Variants in CACNA1A observed in about 807,000 individuals in gnomAD.
CACNA1A encodes the protein calcium voltage-gated channel subunit alpha1 A, also known as voltage-dependent P/Q-type calcium channel subunit alpha-1A.
In CACNA1A, 57 loss-of-function variants were observed where a neutral mutation model predicts 262.4. That is an observed-to-expected ratio of 0.22 (90% confidence interval 0.18 to 0.27). CACNA1A has a LOEUF of 0.27. Among genes scored for constraint, CACNA1A ranks in the 10% least tolerant of loss-of-function variants. The pLI is 1.00. For missense variants in CACNA1A, 2,526 were observed against 3,562.8 expected (o/e 0.71, Z 7.41); for synonymous variants, 1,431 against 1,419.3 (o/e 1.01, Z -0.18).
chr19:13,217,807 C>T lies in CACNA1A; in HGVS notation c.5732-3199G>A, dbSNP rs183906755. Among the ~76,000 whole-genome samples, 333 of 152,186 alleles carry T rather than the reference C, an allele frequency of 2.2e-3. 2 individuals carry two copies. The Middle Eastern group carries it at 0.034, about 16-fold the overall frequency. ...AGTGTTGTCCAAACCCTGCACATTC[C>T]GATGAAAGGACTGGCCCATTGACTT... On this transcript the variant is annotated intron_variant, in intron 38 of 46. Transcript: ENST00000360228.
intron 19 of CACNA1A, among the ~76,000 whole-genome samples, chr19:13,290,016 C>T (rs1057353294): frequency 6.6e-6 from 1 of 151,478 alleles, no homozygotes; most frequent in African/African-American, 2.4e-5. Context: ...GCAACCTCTG[C>T]CTCCCAGGTT....
chr19:13,387,862 A>C (rs1487994206), intron 3 of CACNA1A, among the ~76,000 whole-genome samples: 1 of 152,156 alleles, frequency 6.6e-6, no homozygotes, highest in Admixed American at 6.6e-5. Flanking sequence ...AATTAAAACA[A>C]AATTAAAAAG....
chr19:13,488,997 TC>T (rs1568698283), intron 1 of CACNA1A, among the ~76,000 whole-genome samples: 9 of 143,400 alleles, frequency 6.3e-5, no homozygotes, highest in African/African-American at 2.2e-4. Context: ...TAATTTCTTT[TC>T]TTTTCTTTTT....
At chr19:13,496,949 A>G (rs1981605146) in intron 1 of CACNA1A, among the ~76,000 whole-genome samples, 1 of 152,178 alleles carries the variant, frequency 6.6e-6, no homozygotes, top group Admixed American at 6.5e-5. Flanking sequence ...ACTGGGACAG[A>G]CTGGGAAACT....
chr19:13,382,385 C>A (rs2059538710), intron 3 of CACNA1A, among the ~76,000 whole-genome samples: 1 of 152,154 alleles, frequency 6.6e-6, no homozygotes, highest in Non-Finnish European at 1.5e-5. Context: ...CCTGTGCAAT[C>A]CCAGCTGGCT....
intron 3 of CACNA1A, among the ~76,000 whole-genome samples, chr19:13,385,710 T>C (rs2059600219): frequency 6.6e-6 from 1 of 152,172 alleles, no homozygotes; most frequent in Non-Finnish European, 1.5e-5. Context: ...TTTTCATCTG[T>C]TTTGTTCATA....
At chr19:13,331,381 C>G (rs555426039) in intron 9 of CACNA1A, among the ~76,000 whole-genome samples, 1 of 151,532 alleles carries the variant, frequency 6.6e-6, no homozygotes, top group Non-Finnish European at 1.5e-5. Flanking sequence ...GGATTACAGG[C>G]GTGTGCCATG....
chr19:13,361,307 C>T (rs2059106833), intron 5 of CACNA1A, among the ~76,000 whole-genome samples: 1 of 152,144 alleles, frequency 6.6e-6, no homozygotes, highest in Admixed American at 6.6e-5. Flanking sequence ...AAGACAGCTT[C>T]CTGGGGAGGT....
chr19:13,397,442 T>C (rs767459624), intron 3 of CACNA1A, among the ~76,000 whole-genome samples: 1 of 152,170 alleles, frequency 6.6e-6, no homozygotes, highest in Non-Finnish European at 1.5e-5. Flanking sequence ...GATAGGAATG[T>C]CCCTTAAAAT....
At chr19:13,445,492 C>T (rs1400381627) in intron 3 of CACNA1A, among the ~76,000 whole-genome samples, 3 of 152,098 alleles carry the variant, frequency 2.0e-5, no homozygotes, top group Non-Finnish European at 4.4e-5. Context: ...TACCCTTTTC[C>T]GGCTTAACAA....
rs779827819 is a variant in CACNA1A, at chr19:13,335,853, G to A, written c.1035C>T (p.Ile345=). The part of the protein sequence containing the change: ...WNWLYFIPLI[I]IGSFFMLNLV... ...GGTTCAGCATAAAAAAGGAGCCGAT[G>A]ATGATGAGGGGGATGAAGTACAACC... is the stretch of plus-strand genomic sequence containing the variant. Residue 345 remains isoleucine (I), a synonymous_variant, in exon 7 of 47, where the codon ATC becomes ATT. Transcript: ENST00000360228. 6.2e-7 allele frequency: 1 copy of A among 1,611,148 alleles called. No homozygotes were observed. The highest frequency in any genetic ancestry group is 1.7e-5 in the Admixed American group (1 of 59,606).
chr19:13,443,253 A>C (rs1402350927), intron 3 of CACNA1A, among the ~76,000 whole-genome samples: 1 of 152,236 alleles, frequency 6.6e-6, no homozygotes, highest in Non-Finnish European at 1.5e-5. Flanking sequence ...CTAAGACAGT[A>C]AGCATTTAAT....
At chr19:13,455,272 C>T (rs934828289) in intron 1 of CACNA1A, 60 bp from the exon 2 acceptor site, 9 of 973,680 alleles carry the variant, frequency 9.2e-6, no homozygotes, top group Non-Finnish European at 1.5e-5. Context: ...GAGGTGCACC[C>T]ACCCCCACTG....
At chr19:13,228,839 ACGGGCT>A (rs779689761) in intron 36 of CACNA1A, 2 of 1,162,936 alleles carry the variant, frequency 1.7e-6, no homozygotes, top group South Asian at 2.6e-5. Context: ...ATGGGTTCAC[ACGGGCT>A]CCCTGGGCAC....
intron 10 of CACNA1A, among the ~76,000 whole-genome samples, chr19:13,320,237 C>CGA (rs146095824): frequency 0.049 from 6,196 of 127,120 alleles, 184 homozygotes; most frequent in South Asian, 0.11. Context: ...TTCCACAGAT[C>CGA]GAGAGAGAGA....
chr19:13,482,052 A>C (rs1002846081), intron 1 of CACNA1A, among the ~76,000 whole-genome samples: 1 of 152,134 alleles, frequency 6.6e-6, no homozygotes, highest in African/African-American at 2.4e-5. Flanking sequence ...AGAACACGGA[A>C]AGATTTTCAC....
chr19:13,334,842 C>T (rs928443175), intron 7 of CACNA1A, among the ~76,000 whole-genome samples: 1 of 151,868 alleles, frequency 6.6e-6, no homozygotes, highest in Non-Finnish European at 1.5e-5. Flanking sequence ...TGAGACCAGC[C>T]TGGACAACAC....
chr19:13,424,129 G>A (rs550043795), intron 3 of CACNA1A, among the ~76,000 whole-genome samples: 195 of 152,150 alleles, frequency 1.3e-3, no homozygotes, highest in African/African-American at 4.3e-3. Flanking sequence ...CTGGCAGATC[G>A]CCTGAGGTCA....
chr19:13,370,315 G>C (rs1175220538), intron 4 of CACNA1A, among the ~76,000 whole-genome samples: 2 of 152,116 alleles, frequency 1.3e-5, no homozygotes, highest in African/African-American at 4.8e-5. Context: ...TGGCCAGGCA[G>C]GTCTCGAACT....
Sources: gnomAD v4.1 joint callset for allele counts (sites outside exome capture counted in the v4.1 genomes callset) on GRCh38, gnomAD v4.1.1 for gene constraint, MANE v1.5 for transcripts, NCBI Gene and HGNC (gene_info 2026-07-23, HGNC 2026-07-21) for gene names.